The following UST variants were observed in gnomAD, a reference collection of about 807,000 sequenced individuals.
UST encodes the protein chondroitin sulfate 2-O-sulfotransferase.
Under a neutral mutation model 45.6 loss-of-function variants are expected in UST, and 21 were observed. That is an observed-to-expected ratio of 0.46 (90% CI 0.33 to 0.66). UST has a LOEUF of 0.66. Among genes scored for constraint, UST ranks in the 30% least tolerant of loss-of-function variants. The pLI is 0.02. For synonymous variants in UST, 215 were observed against 200.6 expected (o/e 1.07, Z -0.61); for missense variants, 463 against 512.4 (o/e 0.90, Z 0.93).
chr6:148,855,904 G>A (rs1778193920), intron 1 of UST, among the ~76,000 whole-genome samples: 1 of 152,096 alleles, frequency 6.6e-6, no homozygotes, highest in Non-Finnish European at 1.5e-5. Flanking sequence ...ACCTGGACCT[G>A]ACAAAAAAGT....
chr6:149,007,605 G>A (rs1775739208), intron 5 of UST, among the ~76,000 whole-genome samples: 1 of 150,418 alleles, frequency 6.6e-6, no homozygotes, highest in Non-Finnish European at 1.5e-5. Flanking sequence ...TGTATTTTTA[G>A]TAGAGACGGG....
At chr6:148,854,821 A>T (rs1014853198) in intron 1 of UST, among the ~76,000 whole-genome samples, 1 of 152,132 alleles carries the variant, frequency 6.6e-6, no homozygotes, top group African/African-American at 2.4e-5. Flanking sequence ...TTGCTGAAAT[A>T]TTTTTGCATT....
chr6:148,999,632 G>A (rs368071658), intron 5 of UST, among the ~76,000 whole-genome samples: 1 of 139,228 alleles, frequency 7.2e-6, no homozygotes, highest in East Asian at 1.9e-4. Context: ...CTTAAACTGT[G>A]CATTGTCCTT....
intron 4 of UST, among the ~76,000 whole-genome samples, chr6:148,955,343 CAAGTT>C (rs1487334640): frequency 1.3e-5 from 2 of 152,204 alleles, no homozygotes; most frequent in Non-Finnish European, 2.9e-5. Context: ...AGGTCCTGTG[CAAGTT>C]AAGTGCAAAG....
chr6:148,861,357 T>C (rs1382747057), intron 1 of UST, among the ~76,000 whole-genome samples: 1 of 152,180 alleles, frequency 6.6e-6, no homozygotes, highest in Non-Finnish European at 1.5e-5. Context: ...CCTTTATCAT[T>C]TTTTATTGTG....
intron 5 of UST, among the ~76,000 whole-genome samples, chr6:148,990,667 C>T (rs1024267614): frequency 4.6e-5 from 7 of 152,130 alleles, no homozygotes; most frequent in South Asian, 2.1e-4. Flanking sequence ...AATCCCCAGA[C>T]GTCCCAGGGA....
At chr6:148,778,962 C>G (rs916421325) in intron 1 of UST, among the ~76,000 whole-genome samples, 1 of 152,142 alleles carries the variant, frequency 6.6e-6, no homozygotes, top group African/African-American at 2.4e-5. Flanking sequence ...GTGGTCACAG[C>G]AGCTCAGCCC....
chr6:149,066,935 A>G (rs1471363625), intron 7 of UST, among the ~76,000 whole-genome samples: 1 of 152,076 alleles, frequency 6.6e-6, no homozygotes, highest in African/African-American at 2.4e-5. Context: ...ACCTCTTAAA[A>G]ATAAAATGCT....
chr6:148,882,675 G>T (rs933670903), intron 1 of UST, among the ~76,000 whole-genome samples: 35 of 152,058 alleles, frequency 2.3e-4, no homozygotes, highest in African/African-American at 8.5e-4. Context: ...GGAGCAGGAG[G>T]TGTCAACAGT....
At chr6:148,828,669 AAACACT>A (rs899388431) in intron 1 of UST, among the ~76,000 whole-genome samples, 3 of 152,224 alleles carry the variant, frequency 2.0e-5, no homozygotes, top group African/African-American at 4.8e-5. Flanking sequence ...TATGCACATA[AAACACT>A]TGGAGCAAAT....
At chr6:148,914,764 G>C (rs999070034) in intron 2 of UST, among the ~76,000 whole-genome samples, 1 of 152,114 alleles carries the variant, frequency 6.6e-6, no homozygotes, top group African/African-American at 2.4e-5. Context: ...CCAGTCCATA[G>C]CCCAGGGGTG....
At chr6:148,846,290 C>G (rs1304023009) in intron 1 of UST, among the ~76,000 whole-genome samples, 1 of 151,836 alleles carries the variant, frequency 6.6e-6, no homozygotes, top group East Asian at 1.9e-4. Context: ...AGTTCCTGTC[C>G]TTTGTAGGGA....
intron 5 of UST, among the ~76,000 whole-genome samples, chr6:148,985,408 C>G (rs1163856948): frequency 1.4e-5 from 2 of 146,096 alleles, no homozygotes; most frequent in Non-Finnish European, 3.1e-5. Context: ...ACAACAACAA[C>G]AAAAACTGAA....
intron 6 of UST, among the ~76,000 whole-genome samples, chr6:149,020,467 G>A (rs920316909): frequency 1.3e-5 from 2 of 152,128 alleles, no homozygotes; most frequent in Non-Finnish European, 2.9e-5. Flanking sequence ...TTTTTAAATC[G>A]TGTAGTATTT....
intron 7 of UST, among the ~76,000 whole-genome samples, chr6:149,048,097 TTAA>T (rs1200742240): frequency 6.6e-6 from 1 of 151,656 alleles, no homozygotes; most frequent in African/African-American, 2.4e-5. Context: ...ATCATGGGCC[TTAA>T]TAAATTCCAG....
At chr6:148,808,927 G>C (rs4897055) in intron 1 of UST, among the ~76,000 whole-genome samples, 119,031 of 152,198 alleles carry the variant, frequency 0.78, 47,278 homozygotes, top group East Asian at 0.99. Flanking sequence ...AATCTGCTGG[G>C]CCTTTGATCT....
At chr6:148,926,978 C>T (rs1779825316) in intron 2 of UST, among the ~76,000 whole-genome samples, 1 of 151,714 alleles carries the variant, frequency 6.6e-6, no homozygotes, top group African/African-American at 2.4e-5. Context: ...GGTGAGGACT[C>T]TATGGGGATG....
At chr6:148,905,452 TC>T (rs1159175945) in intron 2 of UST, among the ~76,000 whole-genome samples, 1 of 152,144 alleles carries the variant, frequency 6.6e-6, no homozygotes, top group Non-Finnish European at 1.5e-5. Context: ...TGTCAATGTA[TC>T]CCCCTAAAAC....
chr6:148,987,992 G>C (rs1781268197), intron 5 of UST, among the ~76,000 whole-genome samples: 1 of 152,058 alleles, frequency 6.6e-6, no homozygotes, highest in African/African-American at 2.4e-5. Flanking sequence ...CACACAGCTA[G>C]GGTTCTAACA....
Sources: gnomAD v4.1 joint callset for allele counts (sites outside exome capture counted in the v4.1 genomes callset) on GRCh38, gnomAD v4.1.1 for gene constraint, MANE v1.5 for transcripts, NCBI Gene and HGNC (gene_info 2026-07-23, HGNC 2026-07-21) for gene names.